Variants in SOX5 observed in about 807,000 individuals in gnomAD.
SOX5 encodes the protein transcription factor SOX-5.
In SOX5, 9 loss-of-function variants were observed where a neutral mutation model predicts 92.0. The ratio of observed to expected loss-of-function variants is 0.10; its 90% CI spans 0.06 to 0.17. SOX5 has a LOEUF of 0.17. SOX5 is among the 10% of genes least tolerant of loss of function. SOX5 has a pLI of 1.00. For missense variants in SOX5, 642 were observed against 944.5 expected (o/e 0.68, Z 4.20); for synonymous variants, 344 against 336.3 (o/e 1.02, Z -0.25).
chr12:23,941,188 G>A (rs959549782), intron 1 of SOX5, among the ~76,000 whole-genome samples: 7 of 151,520 alleles, frequency 4.6e-5, no homozygotes, highest in Middle Eastern at 3.2e-3. Context: ...GTGCACACAC[G>A]TATAACTATT....
chr12:24,085,147 G>C (rs1943820515), intron 4 of SOX5, among the ~76,000 whole-genome samples: 1 of 152,106 alleles, frequency 6.6e-6, no homozygotes, highest in Non-Finnish European at 1.5e-5. Flanking sequence ...AAATTAAAAA[G>C]ATACTTTCTT....
At chr12:24,010,933 C>T (rs1282981491) in intron 4 of SOX5, among the ~76,000 whole-genome samples, 1 of 149,124 alleles carries the variant, frequency 6.7e-6, no homozygotes, top group Non-Finnish European at 1.5e-5. Flanking sequence ...AGCCATGCTC[C>T]ATTTCCAAAA....
intron 6 of SOX5, among the ~76,000 whole-genome samples, chr12:23,731,062 T>C (rs1411088270): frequency 6.6e-6 from 1 of 152,158 alleles, no homozygotes; most frequent in Admixed American, 6.5e-5. Flanking sequence ...AGAGGAAAGG[T>C]GAATGCGTGG....
chr12:24,556,445 C>G (rs952518176), intron 1 of SOX5, among the ~76,000 whole-genome samples: 1 of 152,146 alleles, frequency 6.6e-6, no homozygotes, highest in Non-Finnish European at 1.5e-5. Context: ...AACAAACCAA[C>G]CTACAAGTTT....
intron 1 of SOX5, among the ~76,000 whole-genome samples, chr12:23,902,527 T>A (rs749069933): frequency 4.1e-4 from 62 of 152,294 alleles, no homozygotes; most frequent in Middle Eastern, 6.8e-3. Flanking sequence ...AGAAGCAACA[T>A]TGTCCAATCT....
chr12:24,443,208 C>T (rs937519557), intron 1 of SOX5, among the ~76,000 whole-genome samples: 1 of 152,168 alleles, frequency 6.6e-6, no homozygotes, highest in African/African-American at 2.4e-5. Flanking sequence ...CCACCTCGGC[C>T]TTCCAAAGTG....
intron 2 of SOX5, among the ~76,000 whole-genome samples, chr12:24,352,517 G>C (rs974520505): frequency 6.6e-6 from 1 of 152,168 alleles, no homozygotes; most frequent in South Asian, 2.1e-4. Flanking sequence ...CTAGAGGTGA[G>C]AGCCATGCTG....
intron 6 of SOX5, among the ~76,000 whole-genome samples, chr12:23,673,023 A>G (rs2085048318): frequency 6.6e-6 from 1 of 152,288 alleles, no homozygotes; most frequent in South Asian, 2.1e-4. Context: ...TAAACAAAAT[A>G]TATTTGTTGA....
chr12:24,068,149 A>G (rs1054269041), intron 4 of SOX5, among the ~76,000 whole-genome samples: 4 of 152,228 alleles, frequency 2.6e-5, no homozygotes, highest in African/African-American at 9.6e-5. Flanking sequence ...CGTCTCAAAC[A>G]AAACAAAACA....
intron 1 of SOX5, among the ~76,000 whole-genome samples, chr12:24,390,734 G>C (rs1372687921): frequency 6.6e-6 from 1 of 152,020 alleles, no homozygotes; most frequent in Non-Finnish European, 1.5e-5. Context: ...TCATGTTGCT[G>C]CAAAAGATAG....
At chr12:24,160,947 C>T (rs188985172) in intron 4 of SOX5, among the ~76,000 whole-genome samples, 156 of 152,136 alleles carry the variant, frequency 1.0e-3, no homozygotes, top group Admixed American at 3.7e-3. Flanking sequence ...TAACAGAGTA[C>T]TATTATATAT....
At chr12:24,515,355 A>G (rs1020208692) in intron 1 of SOX5, among the ~76,000 whole-genome samples, 8 of 152,224 alleles carry the variant, frequency 5.3e-5, no homozygotes, top group Admixed American at 6.5e-5. Context: ...TATTTAAAGT[A>G]GTGTCTTCCA....
intron 3 of SOX5, among the ~76,000 whole-genome samples, chr12:23,805,701 T>C (rs1158370894): frequency 6.6e-6 from 1 of 152,142 alleles, no homozygotes; most frequent in Non-Finnish European, 1.5e-5. Flanking sequence ...AGGACAGGAA[T>C]CAGGATGATC....
intron 4 of SOX5, among the ~76,000 whole-genome samples, chr12:23,982,628 T>C (rs1472048660): frequency 2.6e-5 from 4 of 152,080 alleles, no homozygotes; most frequent in African/African-American, 9.7e-5. Flanking sequence ...CTACCCTAAC[T>C]AACTCTTAAA....
At chr12:23,830,115 T>C (rs1034102865) in intron 3 of SOX5, among the ~76,000 whole-genome samples, 1 of 152,160 alleles carries the variant, frequency 6.6e-6, no homozygotes, top group African/African-American at 2.4e-5. Context: ...GAGATGACAG[T>C]GAACAAGTTT....
intron 2 of SOX5, among the ~76,000 whole-genome samples, chr12:23,867,041 C>A (rs982310356): frequency 2.1e-5 from 3 of 143,836 alleles, no homozygotes; most frequent in Non-Finnish European, 4.8e-5. Context: ...AACTCCACGC[C>A]TCTCCTCAAA....
chr12:23,698,308 C>T (rs906171445), intron 6 of SOX5, among the ~76,000 whole-genome samples: 1 of 152,172 alleles, frequency 6.6e-6, no homozygotes, highest in African/African-American at 2.4e-5. Flanking sequence ...AATTCTGGGA[C>T]ACAATTTCCT....
At chr12:24,179,955 A>AT (rs967277815) in intron 4 of SOX5, among the ~76,000 whole-genome samples, 2 of 149,242 alleles carry the variant, frequency 1.3e-5, no homozygotes, top group African/African-American at 4.9e-5. Flanking sequence ...AAAAAAAAAA[A>AT]GAAAAGAAAA....
chr12:23,600,803 G>A (rs1046491621), intron 9 of SOX5, among the ~76,000 whole-genome samples: 1 of 151,552 alleles, frequency 6.6e-6, no homozygotes, highest in African/African-American at 2.4e-5. Context: ...TCCTCTAAAG[G>A]TTTCTTTATC....
Sources: allele counts gnomAD v4.1 joint callset (sites outside exome capture counted in the v4.1 genomes callset), GRCh38; gene constraint gnomAD v4.1.1; transcripts MANE v1.5; gene names NCBI Gene and HGNC (gene_info 2026-07-23, HGNC 2026-07-21).